Variants in TRPC5 observed in about 807,000 individuals in gnomAD.
TRPC5 encodes short transient receptor potential channel 5.
TRPC5 carries 9 observed loss-of-function variants against 56.5 expected under a neutral mutation model. The observed-to-expected ratio is 0.16, with a 90% CI of 0.10 to 0.28. TRPC5 has a LOEUF of 0.28. TRPC5 is among the 10% of genes least tolerant of loss of function. The pLI is 1.00. For missense variants in TRPC5, 469 were observed against 748.9 expected (o/e 0.63, Z 4.36); for synonymous variants, 282 against 278.5 (o/e 1.01, Z -0.13).
Position 111,834,921 on chromosome X carries a change from G to T in TRPC5, c.1896C>A (p.Ala632=). 1 of 1,191,743 alleles carries T rather than the reference G, an allele frequency of 8.4e-7. No homozygotes were observed. The highest frequency in any genetic ancestry group is 1.1e-6 in the Non-Finnish European group (1 of 884,372). ...AMMNNSYQLI[A]DHADIEWKFA... is the part of the protein sequence containing the mutation. Reference sequence around the variant, plus strand: ...ACGCTTGTAAAGCAAAGCTACTCACGGCAATAAGCTGATAGGAGTTGTTCA... The same window carrying T: ...ACGCTTGTAAAGCAAAGCTACTCACTGCAATAAGCTGATAGGAGTTGTTCA... The change falls in exon 7 of 11, where the codon GCC becomes GCA. Residue 632 remains alanine (A), a splice_region_variant and synonymous_variant. Coordinates refer to ENST00000262839, the MANE Select transcript of TRPC5 (RefSeq NM_012471.3).
intron 1 of TRPC5, among the ~76,000 whole-genome samples, chrX:111,996,806 CT>C (rs1259971214): frequency 2.7e-5 from 3 of 110,670 alleles, no homozygotes; most frequent in African/African-American, 6.6e-5. Flanking sequence ...GCAACCCCTG[CT>C]TTTTTTGTTT....
At chrX:112,012,160 G>A (rs1263476497) in intron 1 of TRPC5, among the ~76,000 whole-genome samples, 1 of 111,414 alleles carries the variant, frequency 9.0e-6, no homozygotes, top group East Asian at 2.8e-4. Flanking sequence ...GATTGATATT[G>A]TTTTCCTGGG....
intron 2 of TRPC5, among the ~76,000 whole-genome samples, chrX:111,916,120 C>A (rs776774417): frequency 1.8e-5 from 2 of 111,238 alleles, no homozygotes; most frequent in East Asian, 5.7e-4. Context: ...CAGAGTGATA[C>A]CCTGTCTCCA....
chrX:111,837,900 C>T (rs1216249343), intron 6 of TRPC5, among the ~76,000 whole-genome samples: 1 of 90,682 alleles, frequency 1.1e-5, no homozygotes, highest in East Asian at 3.2e-4. Context: ...AACAAAGCCC[C>T]GTTATCAAAA....
intron 2 of TRPC5, among the ~76,000 whole-genome samples, chrX:111,941,465 G>T (rs61245736): frequency 0.041 from 4,575 of 111,887 alleles, 127 homozygotes; most frequent in African/African-American, 0.098. Context: ...CTAGGCTGTG[G>T]GTATTGTGGT....
chrX:111,801,152 T>C, intron 7 of TRPC5, among the ~76,000 whole-genome samples: 1 of 112,308 alleles, frequency 8.9e-6, no homozygotes, highest in Non-Finnish European at 1.9e-5. Flanking sequence ...CATAAAATAT[T>C]GGTCCCTTGT....
chrX:111,901,896 G>T, intron 3 of TRPC5: 1 of 1,153,071 alleles, frequency 8.7e-7, no homozygotes, highest in Non-Finnish European at 1.1e-6. Flanking sequence ...CTTGTTGCTT[G>T]TGTAGCCCAG....
chrX:111,907,954 G>A lies in TRPC5; in HGVS notation c.900+4337C>T, dbSNP rs774442799. Among the ~76,000 whole-genome samples, 8 of 111,313 alleles carry A rather than the reference G, an allele frequency of 7.2e-5. No homozygotes were observed. In the South Asian group the frequency reaches 3.1e-3, roughly 43 times the overall value. ...GAGAATGAAGTTCTCACAGACACTT[G>A]AATTGTTGGAACCTCAGTAGCTCAC... is the stretch of plus-strand genomic sequence containing the variant. On this transcript the variant is annotated intron_variant, in intron 3 of 10. Coordinates refer to ENST00000262839, the MANE Select transcript of TRPC5 (RefSeq NM_012471.3).
chrX:111,962,996 G>A (rs774915070), intron 1 of TRPC5, among the ~76,000 whole-genome samples: 14 of 111,854 alleles, frequency 1.3e-4, no homozygotes, highest in East Asian at 2.8e-4. Context: ...TGGGTGCAGC[G>A]TACCATGTGC....
At chrX:111,798,238 A>G (rs933666257) in intron 7 of TRPC5, among the ~76,000 whole-genome samples, 2 of 112,031 alleles carry the variant, frequency 1.8e-5, no homozygotes, top group African/African-American at 3.2e-5. Flanking sequence ...GAAGTATTAA[A>G]TCACAACTGC....
chrX:112,049,440 C>A (rs191247416), intron 1 of TRPC5, among the ~76,000 whole-genome samples: 1,178 of 105,354 alleles, frequency 0.011, 2 homozygotes, highest in East Asian at 0.029. Flanking sequence ...TATACACACA[C>A]ACACACACAC....
At chrX:111,875,572 C>CTTTTTTTTTTTTT (rs771241425) in intron 3 of TRPC5, among the ~76,000 whole-genome samples, 14 of 70,460 alleles carry the variant, frequency 2.0e-4, no homozygotes, top group African/African-American at 5.8e-4. Context: ...TTTTTTCTTT[C>CTTTTTTTTTTTTT]TTTTTTTTTT....
Position 111,776,731 on chromosome X carries a change from C to T in TRPC5, c.2504G>A (p.Arg835His), listed in dbSNP as rs1444092136. The change falls in exon 11 of 11, where the codon CGC (arginine) becomes CAC (histidine). Residue 835 changes from arginine (R) to histidine (H), a missense_variant. By Grantham distance (29) the Arg-to-His change is conservative. Coordinates refer to ENST00000262839, the MANE Select transcript of TRPC5 (RefSeq NM_012471.3). ...CTTGAGAGAAGGACCCATGAAGGAG[C>T]GTTTGCTTGATGACTCAGCTTTTGA... is the stretch of plus-strand genomic sequence containing the variant. ...GKSKAESSSK[R>H]SFMGPSLKKL... 9 of 1,211,390 alleles carry T rather than the reference C, an allele frequency of 7.4e-6. No homozygotes were observed. Among genetic ancestry groups the T allele is most frequent in the African/African-American group, 3.5e-5 (2 of 57,769 alleles).
chrX:111,842,132 G>GTATATATATATTATATATATATATATA (rs1922768669), intron 6 of TRPC5, among the ~76,000 whole-genome samples: 2 of 77,201 alleles, frequency 2.6e-5, no homozygotes, highest in African/African-American at 2.3e-4. Flanking sequence ...ATATATATAT[G>GTATATATATATTATATATATATATATA]TATATATATA....
chrX:112,060,662 A>T (rs1475587446), intron 1 of TRPC5, among the ~76,000 whole-genome samples: 2 of 111,740 alleles, frequency 1.8e-5, no homozygotes, highest in Non-Finnish European at 3.8e-5. Context: ...ACATGAACCT[A>T]TCATCACTTC....
intron 3 of TRPC5, among the ~76,000 whole-genome samples, chrX:111,900,319 G>T: frequency 9.0e-6 from 1 of 111,410 alleles, no homozygotes; most frequent in Non-Finnish European, 1.9e-5. Flanking sequence ...GACTGGGACT[G>T]GAGAAAGGAA....
intron 10 of TRPC5, among the ~76,000 whole-genome samples, chrX:111,778,074 T>C (rs1249834619): frequency 9.0e-6 from 1 of 111,316 alleles, no homozygotes; most frequent in Admixed American, 9.6e-5. Context: ...ATAATGGACT[T>C]TCTGTGTGCC....
intron 1 of TRPC5, among the ~76,000 whole-genome samples, chrX:111,966,608 G>A (rs1217844451): frequency 2.7e-5 from 3 of 111,739 alleles, no homozygotes; most frequent in African/African-American, 9.8e-5. Flanking sequence ...GAATCCAGCA[G>A]CACATCAAAA....
chrX:111,981,562 G>C (rs982773776), intron 1 of TRPC5, among the ~76,000 whole-genome samples: 2 of 111,479 alleles, frequency 1.8e-5, no homozygotes, highest in Admixed American at 1.9e-4. Flanking sequence ...TTGTCAATTT[G>C]GCACCTAAAC....
Sources: gnomAD v4.1 joint callset for allele counts (sites outside exome capture counted in the v4.1 genomes callset) on GRCh38, gnomAD v4.1.1 for gene constraint, MANE v1.5 for transcripts, NCBI Gene and HGNC (gene_info 2026-07-23, HGNC 2026-07-21) for gene names.